Variants in GRID2 observed in about 807,000 individuals in gnomAD.
The protein encoded by GRID2 is glutamate receptor ionotropic, delta-2.
Under a neutral mutation model 114.8 loss-of-function variants are expected in GRID2, and 33 were observed. That is an observed-to-expected ratio of 0.29 (90% CI 0.22 to 0.38). GRID2 has a LOEUF of 0.38. Among genes scored for constraint, GRID2 ranks in the 10% least tolerant of loss-of-function variants. The pLI, the probability that GRID2 is intolerant of heterozygous loss-of-function variation, is 1.00. For synonymous variants in GRID2, 505 were observed against 449.9 expected (o/e 1.12, Z -1.55); for missense variants, 1,184 against 1,257.7 (o/e 0.94, Z 0.89).
chr4:92,921,219 T>G (rs1022414118), intron 2 of GRID2, among the ~76,000 whole-genome samples: 2 of 152,172 alleles, frequency 1.3e-5, no homozygotes, highest in Admixed American at 1.3e-4. Flanking sequence ...TAAGGACTTC[T>G]CTGCATTGGT....
intron 2 of GRID2, among the ~76,000 whole-genome samples, chr4:92,717,526 C>T (rs1317454496): frequency 6.6e-6 from 1 of 152,086 alleles, no homozygotes; most frequent in Non-Finnish European, 1.5e-5. Context: ...CCATATGGAC[C>T]TTGATGATTT....
At chr4:92,858,123 T>G (rs1228444894) in intron 2 of GRID2, among the ~76,000 whole-genome samples, 1 of 152,258 alleles carries the variant, frequency 6.6e-6, no homozygotes, top group Admixed American at 6.5e-5. Flanking sequence ...CTGGTCAACC[T>G]AGACCTCTGA....
intron 1 of GRID2, among the ~76,000 whole-genome samples, chr4:92,452,769 G>A (rs1327205823): frequency 6.7e-6 from 1 of 150,148 alleles, no homozygotes; most frequent in Non-Finnish European, 1.5e-5. Flanking sequence ...TTACCTGCCC[G>A]TTCATGAGTA....
chr4:93,622,074 G>T (rs752172795), intron 13 of GRID2, among the ~76,000 whole-genome samples: 1 of 152,126 alleles, frequency 6.6e-6, no homozygotes, highest in Non-Finnish European at 1.5e-5. Flanking sequence ...TAAAACAGAA[G>T]ATAATCACAA....
chr4:92,406,623 G>A (rs1316717147), intron 1 of GRID2, among the ~76,000 whole-genome samples: 1 of 151,542 alleles, frequency 6.6e-6, no homozygotes, highest in East Asian at 1.9e-4. Context: ...TGACACTGAG[G>A]CTTAAGGTCC....
chr4:93,214,609 C>T (rs1303720259), intron 5 of GRID2, among the ~76,000 whole-genome samples: 1 of 151,980 alleles, frequency 6.6e-6, no homozygotes, highest in African/African-American at 2.4e-5. Context: ...TTTCTCTTCC[C>T]TTCCCCAAAT....
chr4:93,163,969 A>T (rs1309248756), intron 4 of GRID2, among the ~76,000 whole-genome samples: 1 of 151,960 alleles, frequency 6.6e-6, no homozygotes, highest in Non-Finnish European at 1.5e-5. Context: ...TCCTTAGGTA[A>T]TTGCCCCACT....
chr4:92,945,447 A>G (rs1578561036), intron 2 of GRID2, among the ~76,000 whole-genome samples: 2 of 152,308 alleles, frequency 1.3e-5, no homozygotes, highest in East Asian at 3.9e-4. Flanking sequence ...TAGAAAGTCT[A>G]GAAAAATGTG....
At chr4:93,138,488 A>C (rs1397422106) in intron 4 of GRID2, among the ~76,000 whole-genome samples, 1 of 152,160 alleles carries the variant, frequency 6.6e-6, no homozygotes, top group Non-Finnish European at 1.5e-5. Context: ...TATTTAATAC[A>C]TGAATTTGCC....
At chr4:92,691,702 A>G (rs1734190384) in intron 2 of GRID2, among the ~76,000 whole-genome samples, 1 of 152,238 alleles carries the variant, frequency 6.6e-6, no homozygotes. Flanking sequence ...GAACAAGACC[A>G]TGTTTGGAAA....
intron 2 of GRID2, among the ~76,000 whole-genome samples, chr4:92,645,498 T>C (rs907043753): frequency 2.0e-5 from 3 of 151,816 alleles, no homozygotes; most frequent in African/African-American, 7.2e-5. Context: ...CAGTACTTTA[T>C]TCATATGTAC....
rs183366621 is a variant in GRID2 at position 93,632,140 on chromosome 4, C to A, written c.2360+5705C>A. On this transcript the variant is annotated intron_variant, in intron 14 of 15. Transcript: ENST00000282020. ...AGCCCTTTGTCAGACGAGTAGATTGCAAAAATTTTCTCCCATTTTGTAGGT... is the reference window on the plus strand; with the variant it reads ...AGCCCTTTGTCAGACGAGTAGATTGAAAAAATTTTCTCCCATTTTGTAGGT... Among the ~76,000 whole-genome samples, 966 of 152,242 alleles carry A rather than the reference C, an allele frequency of 6.3e-3. 13 individuals are homozygous for A. Among genetic ancestry groups the A allele is most frequent in the African/African-American group, 0.022 (894 of 41,536 alleles).
At chr4:93,508,148 A>G (rs1466592106) in intron 12 of GRID2, among the ~76,000 whole-genome samples, 3 of 151,942 alleles carry the variant, frequency 2.0e-5, no homozygotes, top group African/African-American at 7.3e-5. Context: ...CCTAAAACTT[A>G]AAGTATAATA....
intron 2 of GRID2, among the ~76,000 whole-genome samples, chr4:92,831,860 G>T (rs536818401): frequency 7.1e-4 from 107 of 151,752 alleles, no homozygotes; most frequent in Non-Finnish European, 1.4e-3. Flanking sequence ...ACCCCATCTT[G>T]CTATATAAAT....
chr4:92,874,768 A>T (rs1199703062), intron 2 of GRID2, among the ~76,000 whole-genome samples: 1 of 152,226 alleles, frequency 6.6e-6, no homozygotes, highest in Non-Finnish European at 1.5e-5. Flanking sequence ...GATGTAAAAA[A>T]TCTAATTAAA....
At chr4:92,580,697 C>T (rs1171369285) in intron 1 of GRID2, among the ~76,000 whole-genome samples, 1 of 151,712 alleles carries the variant, frequency 6.6e-6, no homozygotes, top group Non-Finnish European at 1.5e-5. Context: ...ATTTCTTTGG[C>T]ATATGATTTT....
At chr4:93,617,712 C>G (rs1741820958) in intron 13 of GRID2, among the ~76,000 whole-genome samples, 1 of 151,902 alleles carries the variant, frequency 6.6e-6, no homozygotes. Context: ...GAGATGATAC[C>G]AAGAAAACCG....
intron 2 of GRID2, among the ~76,000 whole-genome samples, chr4:92,737,780 G>C (rs1014308945): frequency 4.6e-5 from 7 of 152,058 alleles, no homozygotes; most frequent in Non-Finnish European, 4.4e-5. Context: ...GTAAAATTCA[G>C]AGAAATGAGT....
At chr4:93,518,244 A>G (rs1309336913) in intron 13 of GRID2, among the ~76,000 whole-genome samples, 2 of 151,464 alleles carry the variant, frequency 1.3e-5, no homozygotes, top group East Asian at 3.9e-4. Flanking sequence ...AGTTTCTCTT[A>G]CTCGAAGGTA....
Sources: gnomAD v4.1 joint callset for allele counts (sites outside exome capture counted in the v4.1 genomes callset) on GRCh38, gnomAD v4.1.1 for gene constraint, MANE v1.5 for transcripts, NCBI Gene and HGNC (gene_info 2026-07-23, HGNC 2026-07-21) for gene names.